Variants in AK5 observed in about 807,000 individuals in gnomAD.
AK5 encodes adenylate kinase 5.
Under a neutral mutation model 69.5 loss-of-function variants are expected in AK5, and 27 were observed. The observed-to-expected ratio is 0.39, with a 90% CI of 0.29 to 0.54. The LOEUF (loss-of-function observed/expected upper bound fraction) is 0.54. Among genes scored for constraint, AK5 ranks in the 20% least tolerant of loss-of-function variants. The pLI, the probability that AK5 is intolerant of heterozygous loss-of-function variation, is 0.71. For missense variants in AK5, 531 were observed against 700.4 expected (o/e 0.76, Z 2.73); for synonymous variants, 260 against 244.4 (o/e 1.06, Z -0.60).
At chr1:77,487,299 C>G (rs1194865737) in intron 10 of AK5, among the ~76,000 whole-genome samples, 1 of 152,092 alleles carries the variant, frequency 6.6e-6, no homozygotes, top group Admixed American at 6.5e-5. Flanking sequence ...GATTATGAAG[C>G]TAATGAGTGT....
intron 9 of AK5, among the ~76,000 whole-genome samples, chr1:77,485,533 T>G (rs1382048968): frequency 6.6e-6 from 1 of 152,240 alleles, no homozygotes; most frequent in Non-Finnish European, 1.5e-5. Context: ...AAAGGAAATT[T>G]TATATCACTA....
chr1:77,346,585 C>T (rs1309606859), intron 6 of AK5, among the ~76,000 whole-genome samples: 1 of 152,168 alleles, frequency 6.6e-6, no homozygotes, highest in African/African-American at 2.4e-5. Flanking sequence ...CAACCTCTGC[C>T]TCCCAGGTTC....
chr1:77,481,813 G>A (rs923652390), intron 8 of AK5, among the ~76,000 whole-genome samples: 7 of 152,180 alleles, frequency 4.6e-5, no homozygotes, highest in Non-Finnish European at 7.3e-5. Context: ...TTAGCCTGCA[G>A]TATGAAATGA....
chr1:77,543,231 G>C (rs1038776028), intron 13 of AK5, among the ~76,000 whole-genome samples: 1 of 152,170 alleles, frequency 6.6e-6, no homozygotes, highest in Non-Finnish European at 1.5e-5. Context: ...ACATTTCACC[G>C]CTTGGTTGCA....
rs532513038 is a variant in AK5 at position 77,481,204 on chromosome 1, G to A, written c.1060-2113G>A. On this transcript the variant is annotated intron_variant, in intron 8 of 13. Transcript: ENST00000354567. ...AAAGAAGTGGTTCTCATCCCATCCT[G>A]ACGTCACTAAGGACATGACGGCATG... 1.5e-4 allele frequency among the ~76,000 whole-genome samples: 23 copies of A among 152,354 alleles called. No individual in the cohort carries two copies. The South Asian group carries it at 4.6e-3, about 30-fold the overall frequency.
At chr1:77,434,207 C>T (rs763594562) in intron 8 of AK5, among the ~76,000 whole-genome samples, 7 of 151,564 alleles carry the variant, frequency 4.6e-5, no homozygotes, top group South Asian at 2.1e-4. Context: ...GGTTACTTTG[C>T]GGCATACAAC....
chr1:77,519,476 G>T (rs553902704), intron 11 of AK5, among the ~76,000 whole-genome samples: 2 of 152,282 alleles, frequency 1.3e-5, no homozygotes, highest in Admixed American at 1.3e-4. Flanking sequence ...TACCAGAAAG[G>T]GGTCCCAATC....
At chr1:77,425,503 C>T (rs1037058736) in intron 8 of AK5, among the ~76,000 whole-genome samples, 22 of 152,086 alleles carry the variant, frequency 1.4e-4, no homozygotes, top group African/African-American at 2.9e-4. Context: ...AGGAGAATTG[C>T]TTGAAACCAG....
chr1:77,376,463 A>T (rs976308011), intron 6 of AK5, among the ~76,000 whole-genome samples: 1 of 133,300 alleles, frequency 7.5e-6, no homozygotes, highest in Admixed American at 7.8e-5. Context: ...AAAAAAAAAA[A>T]CATGTCTTAC....
At chr1:77,381,934 C>T (rs1405854674) in intron 6 of AK5, among the ~76,000 whole-genome samples, 2 of 152,078 alleles carry the variant, frequency 1.3e-5, no homozygotes, top group Non-Finnish European at 2.9e-5. Flanking sequence ...AACTTAAATG[C>T]ATTATTGCTT....
At chr1:77,539,016 C>T (rs911989022) in intron 13 of AK5, among the ~76,000 whole-genome samples, 5 of 152,170 alleles carry the variant, frequency 3.3e-5, no homozygotes, top group African/African-American at 1.2e-4. Flanking sequence ...CATGGTCAAG[C>T]AATATTTATG....
At chr1:77,427,677 A>G (rs1212083206) in intron 8 of AK5, among the ~76,000 whole-genome samples, 1 of 152,168 alleles carries the variant, frequency 6.6e-6, no homozygotes, top group African/African-American at 2.4e-5. Context: ...AAAACTGCAG[A>G]CCAGTATCTT....
At position 77,348,446 on chromosome 1, in the gene AK5, A is replaced by T. The variant is rs150995305; in HGVS notation, c.891+7878A>T. ...TTTTATGGCTGCATAGTAACATGGC[A>T]CATGTATACATATGTAACAAACCTG... On this transcript the variant is annotated intron_variant, in intron 6 of 13. Coordinates refer to ENST00000354567, the MANE Select transcript of AK5 (RefSeq NM_174858.3). Among the ~76,000 whole-genome samples, 27 of 152,254 alleles carry T rather than the reference A, an allele frequency of 1.8e-4. No homozygotes were observed. The East Asian group carries it at 4.8e-3, about 27-fold the overall frequency.
In AK5 at chr1:77,477,003, A is replaced by AGTGTGTGT. The variant is rs10625085; in HGVS notation, c.1060-6294_1060-6287dup. ...TGATCTATTTTTGATTGTTCTTTTTAGTGTGTGTGTGTGTGTGTGTGTGTG... is the reference window on the plus strand; with the variant it reads ...TGATCTATTTTTGATTGTTCTTTTTAGTGTGTGTGTGTGTGTGTGTGTGTGTGTGTGTG... On this transcript the variant is annotated intron_variant, in intron 8 of 13. Transcript: ENST00000354567. Among the ~76,000 whole-genome samples, 1,322 of 147,044 alleles carry AGTGTGTGT rather than the reference A, an allele frequency of 9.0e-3. 8 individuals carry two copies. Among genetic ancestry groups the AGTGTGTGT allele is most frequent in the Middle Eastern group, 0.017 (5 of 290 alleles).
chr1:77,368,255 T>C (rs1295958051), intron 6 of AK5, among the ~76,000 whole-genome samples: 3 of 97,976 alleles, frequency 3.1e-5, no homozygotes, highest in Non-Finnish European at 6.3e-5. Flanking sequence ...ATATATATAA[T>C]ATATATGTTA....
In AK5 at chr1:77,529,259, C is replaced by G. The variant is rs1310282627; in HGVS notation, c.1429-6588C>G. Among the ~76,000 whole-genome samples the G allele has an allele frequency of 2.0e-5, 3 of 151,532 alleles. No homozygotes were observed. In the East Asian group the frequency reaches 5.8e-4, roughly 29 times the overall value. ...TACTTACAATGCGCCAGAAACTGAA[C>G]TTGATGCTTTACACATTTCATTTGA... On this transcript the variant is annotated intron_variant, in intron 12 of 13. Coordinates refer to ENST00000354567, the MANE Select transcript of AK5 (RefSeq NM_174858.3).
In AK5 at chr1:77,558,707, A is replaced by ACT; in HGVS notation, c.*37_*38insCT. 3 of 1,402,336 alleles carry ACT rather than the reference A, an allele frequency of 2.1e-6. No individual in the cohort carries two copies. Among genetic ancestry groups the ACT allele is most frequent in the Non-Finnish European group, 3.0e-6 (3 of 991,694 alleles). The allele number at this position is 1,402,336 out of a possible 1,614,324, so 86.9% of individuals were successfully genotyped here. A position where few individuals can be genotyped will look rare whatever the true frequency, so the allele number is the denominator to read the frequency against. On this transcript the variant is annotated 3_prime_UTR_variant, in exon 14 of 14. Coordinates refer to ENST00000354567, the MANE Select transcript of AK5 (RefSeq NM_174858.3). ...CATGTTTGTTAGAATGGAAACAGAAAAACATTAAAAAGTTCATTCCTTAAC... is the reference window on the plus strand; with the variant it reads ...CATGTTTGTTAGAATGGAAACAGAAACTAACATTAAAAAGTTCATTCCTTAAC...
intron 9 of AK5, among the ~76,000 whole-genome samples, chr1:77,483,987 C>A (rs1290729799): frequency 6.6e-6 from 1 of 152,038 alleles, no homozygotes; most frequent in Non-Finnish European, 1.5e-5. Flanking sequence ...TATGGTGAAA[C>A]CCTGTCTCTA....
intron 5 of AK5, among the ~76,000 whole-genome samples, chr1:77,302,532 C>T (rs1477681935): frequency 1.3e-5 from 2 of 152,144 alleles, no homozygotes; most frequent in Admixed American, 1.3e-4. Flanking sequence ...TCTAAAACAG[C>T]AGGCTTGGGT....
Sources: gnomAD v4.1 joint callset for allele counts (sites outside exome capture counted in the v4.1 genomes callset) on GRCh38, gnomAD v4.1.1 for gene constraint, MANE v1.5 for transcripts, NCBI Gene and HGNC (gene_info 2026-07-23, HGNC 2026-07-21) for gene names.